The following AFDN variants were observed in gnomAD, a reference collection of about 807,000 sequenced individuals.
The protein encoded by AFDN is afadin, adherens junction formation factor.
A neutral mutation model predicts 216.6 loss-of-function variants in AFDN; 68 were observed. The ratio of observed to expected loss-of-function variants is 0.31; its 90% confidence interval spans 0.26 to 0.38. AFDN has a LOEUF of 0.38. Ranked by LOEUF, AFDN falls within the 10% of genes least tolerant of loss-of-function variation. The pLI is 1.00. For missense variants in AFDN, 2,136 were observed against 2,342.0 expected (o/e 0.91, Z 1.82); for synonymous variants, 868 against 853.7 (o/e 1.02, Z -0.29).
chr6:167,950,562 T>C (rs926571618), intron 29 of AFDN, among the ~76,000 whole-genome samples: 2 of 152,234 alleles, frequency 1.3e-5, no homozygotes, highest in Non-Finnish European at 2.9e-5. Context: ...CTTGCATTAC[T>C]GTGCACAGCT....
intron 1 of AFDN, among the ~76,000 whole-genome samples, chr6:167,843,041 A>C (rs1185195557): frequency 2.0e-5 from 3 of 152,130 alleles, no homozygotes; most frequent in South Asian, 2.1e-4. Context: ...AGGATAGGGG[A>C]GGAAAATAAA....
intron 23 of AFDN, among the ~76,000 whole-genome samples, chr6:167,938,246 A>G (rs1054693740): frequency 6.6e-6 from 1 of 152,186 alleles, no homozygotes; most frequent in African/African-American, 2.4e-5. Flanking sequence ...CAACCAAGTC[A>G]TGAACATGAG....
intron 6 of AFDN, among the ~76,000 whole-genome samples, chr6:167,888,866 TAG>T (rs1378201980): frequency 1.3e-5 from 2 of 152,142 alleles, no homozygotes; most frequent in African/African-American, 4.8e-5. Flanking sequence ...GGTTAAGGAC[TAG>T]AGAGATTGAA....
At position 167,922,920 on chromosome 6, in the gene AFDN, AGAT is replaced by A. The variant is rs1378468387; in HGVS notation, c.2974_2976del (p.Asp992del). ...CTTGGACAATATATTTTGAAGGTGC[AGAT>A]TATGAAAGTCACCTTCTGCGTGAGA... On this transcript the variant is annotated inframe_deletion, in exon 22 of 34. Transcript: ENST00000683244. The A allele has an allele frequency of 6.2e-7, 1 of 1,613,162 alleles. No homozygotes were observed. The highest frequency in any genetic ancestry group is 8.5e-7 in the Non-Finnish European group (1 of 1,179,666).
chr6:167,873,580 G>A (rs1785016410), intron 4 of AFDN, among the ~76,000 whole-genome samples: 1 of 152,142 alleles, frequency 6.6e-6, no homozygotes, highest in Non-Finnish European at 1.5e-5. Context: ...GAATGGTTGG[G>A]TGACAGGGTT....
intron 31 of AFDN, chr6:167,963,366 T>C: frequency 5.7e-6 from 6 of 1,058,420 alleles, no homozygotes; most frequent in Non-Finnish European, 5.7e-6. Context: ...TCTCTGTTAC[T>C]TCCCTTCTAT....
rs1785779270 is a variant in AFDN at position 167,879,000 on chromosome 6, GT to G, written c.740-1359del. 2.0e-5 allele frequency among the ~76,000 whole-genome samples: 3 copies of G among 152,318 alleles called. No individual in the cohort carries two copies. The Middle Eastern group carries it at 0.01, about 518-fold the overall frequency. ...CAACCTTATATTTTTCACAATGTGT[GT>G]CACTATTTTAAAGGTATTTATTTGT... On this transcript the variant is annotated intron_variant, in intron 5 of 33. Transcript: ENST00000683244.
chr6:167,959,711 A>G (rs986440023), intron 30 of AFDN, among the ~76,000 whole-genome samples: 1 of 152,202 alleles, frequency 6.6e-6, no homozygotes, highest in Non-Finnish European at 1.5e-5. Flanking sequence ...ATACACACAC[A>G]TATATATGTA....
At chr6:167,960,742 C>A (rs1335837705) in intron 30 of AFDN, among the ~76,000 whole-genome samples, 2 of 152,136 alleles carry the variant, frequency 1.3e-5, no homozygotes, top group Non-Finnish European at 2.9e-5. Flanking sequence ...TGCAGGAAGC[C>A]TGTGGGGAGC....
chr6:167,870,868 A>G (rs1410967148), intron 3 of AFDN, among the ~76,000 whole-genome samples: 3 of 152,160 alleles, frequency 2.0e-5, no homozygotes, highest in Non-Finnish European at 4.4e-5. Flanking sequence ...GAACTTTTAG[A>G]TGCAACTTTG....
chr6:167,905,408 T>C (rs912537872), intron 12 of AFDN, among the ~76,000 whole-genome samples: 2 of 152,306 alleles, frequency 1.3e-5, no homozygotes, highest in Admixed American at 1.3e-4. Flanking sequence ...TTTTCGTTTC[T>C]TAAAAAAATG....
At chr6:167,938,376 C>G (rs868554443) in intron 23 of AFDN, among the ~76,000 whole-genome samples, 1 of 152,114 alleles carries the variant, frequency 6.6e-6, no homozygotes, top group African/African-American at 2.4e-5. Context: ...CTGGCAGTTA[C>G]AAGAGTCTGG....
At chr6:167,946,615 C>G in intron 26 of AFDN, 92 bp from the exon 27 acceptor site, 2 of 1,165,560 alleles carry the variant, frequency 1.7e-6, no homozygotes, top group Non-Finnish European at 2.5e-6. Flanking sequence ...CACCTTATTT[C>G]TTATGCTAAG....
intron 30 of AFDN, 190 bp downstream of exon 30, chr6:167,952,377 T>C (rs1247336599): frequency 1.5e-5 from 22 of 1,469,942 alleles, no homozygotes; most frequent in Non-Finnish European, 2.0e-5. Flanking sequence ...TAAGGCTAAA[T>C]TTTTTAAGAC....
intron 8 of AFDN, among the ~76,000 whole-genome samples, 178 bp downstream of exon 8, chr6:167,891,207 G>A (rs1055018370): frequency 1.3e-5 from 2 of 151,996 alleles, no homozygotes; most frequent in Non-Finnish European, 2.9e-5. Flanking sequence ...TAAAACTTAA[G>A]GTTGTAAAAT....
chr6:167,965,006 A>G (rs1280785366), intron 31 of AFDN: 2 of 1,048,396 alleles, frequency 1.9e-6, no homozygotes, highest in Non-Finnish European at 2.3e-6. Context: ...GTGTCAAAAT[A>G]TATTTGAATA....
intron 23 of AFDN, among the ~76,000 whole-genome samples, chr6:167,937,098 C>T (rs1794102153): frequency 6.6e-6 from 1 of 152,028 alleles, no homozygotes; most frequent in African/African-American, 2.4e-5. Context: ...AGTGGGTCTG[C>T]AGGAAAGGAG....
chr6:167,888,856 G>C (rs954185020), intron 6 of AFDN, among the ~76,000 whole-genome samples: 1 of 152,080 alleles, frequency 6.6e-6, no homozygotes, highest in Non-Finnish European at 1.5e-5. Flanking sequence ...TGAAAAGGTG[G>C]GTTAAGGACT....
chr6:167,914,085 A>G, intron 16 of AFDN, 83 bp from the exon 17 acceptor site: 1 of 1,481,812 alleles, frequency 6.7e-7, no homozygotes, highest in Admixed American at 1.8e-5. Flanking sequence ...GTCTATCTTC[A>G]GCAGCTTTTC....
Sources: allele counts gnomAD v4.1 joint callset (sites outside exome capture counted in the v4.1 genomes callset), GRCh38; gene constraint gnomAD v4.1.1; transcripts MANE v1.5; gene names NCBI Gene and HGNC (gene_info 2026-07-23, HGNC 2026-07-21).